TOX4: variants seen among roughly 807,000 people sequenced by gnomAD.
TOX4 encodes the protein TOX high mobility group box family member 4.
A neutral mutation model predicts 61.0 loss-of-function variants in TOX4; 12 were observed. That is an observed-to-expected ratio of 0.20 (90% CI 0.13 to 0.32). The LOEUF is 0.32. Ranked by LOEUF, TOX4 falls within the 10% of genes least tolerant of loss-of-function variation. TOX4 has a pLI of 1.00. For synonymous variants in TOX4, 268 were observed against 274.8 expected (o/e 0.98, Z 0.24); for missense variants, 499 against 753.3 (o/e 0.66, Z 3.95).
intron 2 of TOX4, 130 bp from the exon 3 acceptor site, chr14:21,487,321 A>G: frequency 3.9e-6 from 5 of 1,282,260 alleles, no homozygotes; most frequent in Non-Finnish European, 5.4e-6. Context: ...TAAGAAATTG[A>G]TTATAAAATA....
At chr14:21,489,806 C>G (rs970225743) in intron 5 of TOX4, among the ~76,000 whole-genome samples, 14 of 151,992 alleles carry the variant, frequency 9.2e-5, no homozygotes, top group African/African-American at 3.4e-4. Context: ...TGGTCTCGAT[C>G]TCCTGACCTC....
chr14:21,481,264 C>T (rs1275191046), intron 2 of TOX4, among the ~76,000 whole-genome samples: 1 of 152,010 alleles, frequency 6.6e-6, no homozygotes, highest in African/African-American at 2.4e-5. Context: ...CTGCAACCTC[C>T]ACCTCTCACG....
chr14:21,477,645 C>A, intron 2 of TOX4, 81 bp downstream of exon 2: 1 of 1,505,640 alleles, frequency 6.6e-7, no homozygotes, highest in Non-Finnish European at 9.1e-7. Flanking sequence ...AGCACGGACT[C>A]CGGGGACGGG....
rs931079388 is a variant in TOX4, at chr14:21,498,379, T to C, written c.*1773T>C. Reference sequence around the variant, plus strand: ...GTTTCCAAGGGTGATCCTGAAACAGTGTAAAAGGAGGGGCAAACCAGAAAT... The same window carrying C: ...GTTTCCAAGGGTGATCCTGAAACAGCGTAAAAGGAGGGGCAAACCAGAAAT... On this transcript the variant is annotated 3_prime_UTR_variant, in exon 9 of 9. Transcript: ENST00000448790. The C allele has an allele frequency of 1.2e-6, 2 of 1,613,170 alleles. No individual in the cohort carries two copies. Among genetic ancestry groups the C allele is most frequent in the Admixed American group, 1.7e-5 (1 of 59,802 alleles).
At chr14:21,490,539 C>G (rs1891269229) in intron 5 of TOX4, among the ~76,000 whole-genome samples, 1 of 152,140 alleles carries the variant, frequency 6.6e-6, no homozygotes, top group Admixed American at 6.5e-5. Flanking sequence ...AAATAGCTAC[C>G]ATTTCCCGCT....
chr14:21,477,643 C>T, intron 2 of TOX4, 79 bp downstream of exon 2: 3 of 1,507,824 alleles, frequency 2.0e-6, no homozygotes, highest in Non-Finnish European at 2.7e-6. Context: ...AGAGCACGGA[C>T]TCCGGGGACG....
intron 2 of TOX4, among the ~76,000 whole-genome samples, chr14:21,482,793 C>A (rs1252122934): frequency 1.3e-5 from 2 of 151,892 alleles, no homozygotes; most frequent in Non-Finnish European, 2.9e-5. Flanking sequence ...TTTTACAGAT[C>A]ATTTGTAGTG....
chr14:21,494,844 G>A (rs536343792), intron 7 of TOX4, among the ~76,000 whole-genome samples: 5 of 151,846 alleles, frequency 3.3e-5, no homozygotes, highest in East Asian at 3.9e-4. Context: ...GCTTGAACCC[G>A]GGAGGCAGAG....
chr14:21,482,168 G>T (rs954261228), intron 2 of TOX4, among the ~76,000 whole-genome samples: 3 of 152,162 alleles, frequency 2.0e-5, no homozygotes, highest in African/African-American at 7.2e-5. Flanking sequence ...TCTTTTTCAG[G>T]TTGGCTCTAA....
chr14:21,493,494 T>A (rs1482236816), intron 7 of TOX4, among the ~76,000 whole-genome samples: 2 of 152,108 alleles, frequency 1.3e-5, no homozygotes, highest in Non-Finnish European at 1.5e-5. Context: ...CAGGCTGGAG[T>A]GCAATGGTGC....
intron 2 of TOX4, among the ~76,000 whole-genome samples, chr14:21,487,078 G>C (rs1891201780): frequency 6.6e-6 from 1 of 152,144 alleles, no homozygotes; most frequent in African/African-American, 2.4e-5. Flanking sequence ...TGCTCTATTA[G>C]AATCTTTAGA....
At chr14:21,480,051 T>C (rs1488635482) in intron 2 of TOX4, among the ~76,000 whole-genome samples, 1 of 152,172 alleles carries the variant, frequency 6.6e-6, no homozygotes, top group Non-Finnish European at 1.5e-5. Context: ...CAGGCTGGTC[T>C]CAAATTCCTA....
In TOX4 at chr14:21,498,542, A is replaced by G. The variant is rs1021690771; in HGVS notation, c.*1936A>G. 7.7e-6 allele frequency: 5 copies of G among 645,956 alleles called. No homozygotes were observed. The highest frequency in any genetic ancestry group is 5.5e-5 in the African/African-American group (3 of 54,738). 40.0% of individuals were successfully genotyped at this position (645,956 alleles called of 1,614,324 possible). On this transcript the variant is annotated 3_prime_UTR_variant, in exon 9 of 9. Transcript: ENST00000448790. Reference sequence around the variant, plus strand: ...GTAGAATTACTAGTTCAGAATTGGCATAGATTCTGGTGTTAAAATAGACTG... The same window carrying G: ...GTAGAATTACTAGTTCAGAATTGGCGTAGATTCTGGTGTTAAAATAGACTG...
chr14:21,499,142 G>C lies in TOX4; in HGVS notation c.*2536G>C. On this transcript the variant is annotated 3_prime_UTR_variant, in exon 9 of 9. Coordinates refer to ENST00000448790, the MANE Select transcript of TOX4 (RefSeq NM_014828.4). The stretch of plus-strand genomic sequence containing the variant: ...TTTATGACTGGTGGAACGAACCTAG[G>C]AAATAAAAACTAGCTGCTTTTTAAG... 6.2e-7 allele frequency: 1 copy of C among 1,610,420 alleles called. No individual in the cohort carries two copies. Among genetic ancestry groups the C allele is most frequent in the Admixed American group, 1.7e-5 (1 of 59,998 alleles).
rs1412023441 is a variant in TOX4 at position 21,492,531 on chromosome 14, G to A, written c.915G>A (p.Leu305=). The change falls in exon 7 of 9, where the codon TTG becomes TTA. Residue 305 remains leucine (L), a synonymous_variant. Coordinates refer to ENST00000448790, the MANE Select transcript of TOX4 (RefSeq NM_014828.4). ...AGGCCACTGTGGAAACAGTGGAATT[G>A]GATCCAGCACCACCATCACAAACTC... ...ECQATVETVE[L]DPAPPSQTPS... 3 of 1,613,708 alleles carry A rather than the reference G, an allele frequency of 1.9e-6. No homozygotes were observed. In the African/African-American group the frequency reaches 4.0e-5, roughly 22 times the overall value.
chr14:21,482,736 C>T, intron 2 of TOX4: 1 of 258,016 alleles, frequency 3.9e-6, no homozygotes, highest in South Asian at 3.9e-5. Context: ...ATGTAATCCG[C>T]TAAAATAAAG....
rs61742135 is a variant in TOX4 at position 21,492,611 on chromosome 14, T to C, written c.995T>C (p.Ile332Thr). The change falls in exon 7 of 9, where the codon ATA becomes ACA. Residue 332 changes from isoleucine (I) to threonine (T), a missense_variant. Ile to Thr is a moderately conservative substitution (Grantham distance 89, BLOSUM62 -1). This residue lies in a region of TOX4 where 296 missense variants were observed against 404.7 expected (regional missense o/e 0.73). Coordinates refer to ENST00000448790, the MANE Select transcript of TOX4 (RefSeq NM_014828.4). The part of the protein sequence containing the change: ...VDPASPAPAS[I>T]EPPALSPSIV... The stretch of plus-strand genomic sequence containing the variant: ...CCAGCATCTCCAGCACCAGCTTCAA[T>C]AGAGCCCCCTGCCCTGTCCCCATCC... 1.9e-6 allele frequency: 3 copies of C among 1,613,784 alleles called. No individual in the cohort carries two copies. Among genetic ancestry groups the C allele is most frequent in the East Asian group, 2.2e-5 (1 of 44,878 alleles).
chr14:21,484,552 G>T lies in TOX4; in HGVS notation c.76-2899G>T, dbSNP rs192623636. On this transcript the variant is annotated intron_variant, in intron 2 of 8. Transcript: ENST00000448790. ...TTTAGTAGAGATGGATTTTCGCCAT[G>T]TTGGCCAGGCTGGTCTCGAACTCTT... Among the ~76,000 whole-genome samples the T allele has an allele frequency of 7.8e-4, 81 of 103,594 alleles. 17 individuals carry two copies. The highest frequency in any genetic ancestry group is 6.9e-3 in the Admixed American group (79 of 11,442). 68.0% of individuals were successfully genotyped at this position (103,594 alleles called of 152,430 possible). A position where few individuals can be genotyped will look rare whatever the true frequency, so the allele number is the denominator to read the frequency against.
chr14:21,498,635 G>C lies in TOX4; in HGVS notation c.*2029G>C. 1.9e-6 allele frequency: 1 copy of C among 520,838 alleles called. No homozygotes were observed. Among genetic ancestry groups the C allele is most frequent in the Non-Finnish European group, 3.4e-6 (1 of 294,594 alleles). 32.3% of individuals were successfully genotyped at this position (520,838 alleles called of 1,614,324 possible). On this transcript the variant is annotated 3_prime_UTR_variant, in exon 9 of 9. Transcript: ENST00000448790. ...CCTGCTTCACAGAGTTGCTACCAGG[G>C]AGTATTCTTTGGATAAGCAAAATGC...
Sources: gnomAD v4.1 joint callset for allele counts (sites outside exome capture counted in the v4.1 genomes callset) on GRCh38, gnomAD v4.1.1 for gene constraint, gnomAD v4.1.1 regional missense constraint, MANE v1.5 for transcripts, NCBI Gene and HGNC (gene_info 2026-07-23, HGNC 2026-07-21) for gene names.